Variants in PCDHA10 observed in about 807,000 individuals in gnomAD.
The protein encoded by PCDHA10 is protocadherin alpha-10.
PCDHA10 carries 45 observed loss-of-function variants against 61.2 expected under a neutral mutation model. The ratio of observed to expected loss-of-function variants is 0.74; its 90% CI spans 0.58 to 0.94. The LOEUF (loss-of-function observed/expected upper bound fraction) is 0.94, where lower values mean the gene tolerates loss of function less well. PCDHA10 is among the 40% of genes least tolerant of loss of function. PCDHA10 has a pLI of 0.00. For synonymous variants in PCDHA10, 602 were observed against 548.8 expected (o/e 1.10, Z -1.35); for missense variants, 1,278 against 1,236.2 (o/e 1.03, Z -0.51).
intron 1 of PCDHA10, among the ~76,000 whole-genome samples, chr5:140,959,390 A>G (rs1554224055): frequency 6.6e-6 from 1 of 152,146 alleles, no homozygotes; most frequent in African/African-American, 2.4e-5. Context: ...AAAAGTCACA[A>G]ATTAAGATAA....
Position 141,010,924 on chromosome 5 carries a change from T to G in PCDHA10, c.*987T>G, listed in dbSNP as rs1016736721. 1 of 153,778 alleles carries G rather than the reference T, an allele frequency of 6.5e-6. No homozygotes were observed. Among genetic ancestry groups the G allele is most frequent in the Non-Finnish European group, 1.5e-5 (1 of 68,046 alleles). 9.5% of individuals were successfully genotyped at this position (153,778 alleles called of 1,614,324 possible). A position where few individuals can be genotyped will look rare whatever the true frequency, so the allele number is the denominator to read the frequency against. Reference sequence around the variant, plus strand: ...CCCCTAAACTCTCCTCAAAAGAGAATTCAGTCTACAGCCATTTAAATGATC... The same window carrying G: ...CCCCTAAACTCTCCTCAAAAGAGAAGTCAGTCTACAGCCATTTAAATGATC... On this transcript the variant is annotated 3_prime_UTR_variant, in exon 4 of 4. Transcript: ENST00000307360.
intron 3 of PCDHA10, among the ~76,000 whole-genome samples, chr5:140,996,043 C>T (rs1282990779): frequency 6.6e-6 from 1 of 152,202 alleles, no homozygotes; most frequent in Non-Finnish European, 1.5e-5. Context: ...GCACTTAACA[C>T]AGTGCTTGGC....
chr5:140,921,631 T>C (rs1435281144), intron 1 of PCDHA10, among the ~76,000 whole-genome samples: 2 of 152,206 alleles, frequency 1.3e-5, no homozygotes, highest in Non-Finnish European at 2.9e-5. Flanking sequence ...ATCATCATTA[T>C]GGTAGCTATT....
Position 140,858,211 on chromosome 5 carries a change from C to T in PCDHA10, c.2163C>T (p.Cys721=), listed in dbSNP as rs368039385. The change falls in exon 1 of 4, where the codon TGC becomes TGT. Residue 721 remains cysteine, a synonymous_variant. Transcript: ENST00000307360. ...LTLLLYTALR[C]SAAPTEGACG... is the part of the protein sequence containing the mutation. ...TGCTGCTGTACACTGCACTGAGGTG[C>T]TCGGCGGCGCCCACCGAGGGCGCAT... 10 of 1,594,094 alleles carry T rather than the reference C, an allele frequency of 6.3e-6. 2 individuals are homozygous for T. Among genetic ancestry groups the T allele is most frequent in the Non-Finnish European group, 8.6e-6 (10 of 1,165,544 alleles).
intron 2 of PCDHA10, chr5:140,982,242 AAAG>A (rs2096973421): frequency 2.9e-6 from 2 of 701,584 alleles, no homozygotes; most frequent in African/African-American, 3.6e-5. Flanking sequence ...GAATTGCCAT[AAAG>A]ATAGAACATG....
intron 1 of PCDHA10, among the ~76,000 whole-genome samples, chr5:140,970,841 C>T (rs782138970): frequency 2.0e-5 from 3 of 150,352 alleles, no homozygotes; most frequent in African/African-American, 7.5e-5. Context: ...ATGTAATGCA[C>T]AGGCACAAAA....
chr5:140,875,873 G>C (rs1554168013), intron 1 of PCDHA10: 2 of 1,614,214 alleles, frequency 1.2e-6, no homozygotes, highest in South Asian at 1.1e-5. Context: ...CCGGTGTTCA[G>C]AGAAAGGGAA....
chr5:140,903,014 A>G (rs551984849), intron 1 of PCDHA10, among the ~76,000 whole-genome samples: 1 of 152,322 alleles, frequency 6.6e-6, no homozygotes, highest in African/African-American at 2.4e-5. Context: ...TTGTGCTGCT[A>G]TCAACATGGC....
intron 1 of PCDHA10, among the ~76,000 whole-genome samples, chr5:140,948,492 A>G (rs915795889): frequency 4.0e-5 from 6 of 151,594 alleles, no homozygotes; most frequent in Non-Finnish European, 8.9e-5. Flanking sequence ...AATTTCTTTC[A>G]TAGACTTTCT....
intron 1 of PCDHA10, chr5:140,862,748 C>A: frequency 3.5e-6 from 2 of 577,558 alleles, no homozygotes; most frequent in East Asian, 9.5e-5. Context: ...TGGGTGCACG[C>A]GGAGAGCGGC....
intron 1 of PCDHA10, among the ~76,000 whole-genome samples, chr5:140,933,588 G>A (rs2089253151): frequency 6.6e-6 from 1 of 151,988 alleles, no homozygotes; most frequent in Non-Finnish European, 1.5e-5. Flanking sequence ...TGGGTTTTTA[G>A]GTTGATTTGT....
At chr5:140,887,238 C>T (rs1191260946) in intron 1 of PCDHA10, among the ~76,000 whole-genome samples, 11 of 151,856 alleles carry the variant, frequency 7.2e-5, no homozygotes, top group East Asian at 3.9e-4. Flanking sequence ...CTGAGACTAC[C>T]GGCGCCCGCC....
At chr5:140,989,530 AG>A (rs1249109717) in intron 3 of PCDHA10, among the ~76,000 whole-genome samples, 1 of 152,200 alleles carries the variant, frequency 6.6e-6, no homozygotes, top group Non-Finnish European at 1.5e-5. Context: ...CAGAGGAGGA[AG>A]ATAGTTTGTA....
rs1374151299 is a variant in PCDHA10 at position 141,010,790 on chromosome 5, A to G, written c.*853A>G. The G allele has an allele frequency of 2.0e-5, 3 of 153,822 alleles. No homozygotes were observed. Among genetic ancestry groups the G allele is most frequent in the Admixed American group, 6.5e-5 (1 of 15,286 alleles). The allele number at this position is 153,822 out of a possible 1,614,324, so 9.5% of individuals were successfully genotyped here. Reference sequence around the variant, plus strand: ...CTTTTCCAATACTTATGCAAAAGCAAAAGAAAACCCCGACACCTCACCTTT... The same window carrying G: ...CTTTTCCAATACTTATGCAAAAGCAGAAGAAAACCCCGACACCTCACCTTT... On this transcript the variant is annotated 3_prime_UTR_variant, in exon 4 of 4. Coordinates refer to ENST00000307360, the MANE Select transcript of PCDHA10 (RefSeq NM_018901.4).
intron 1 of PCDHA10, chr5:140,866,007 T>A (rs568957330): frequency 6.6e-6 from 1 of 152,272 alleles, no homozygotes; most frequent in East Asian, 1.9e-4. Context: ...TGTTAAGTGA[T>A]TTTTTTCTTG....
chr5:140,924,915 AT>A (rs1554202358), intron 1 of PCDHA10, among the ~76,000 whole-genome samples: 19 of 127,348 alleles, frequency 1.5e-4, no homozygotes, highest in African/African-American at 5.1e-4. Context: ...ATAAAATAAA[AT>A]AAAATAAAAT....
At chr5:140,862,471 C>G in intron 1 of PCDHA10, 3 of 374,584 alleles carry the variant, frequency 8.0e-6, no homozygotes, top group Non-Finnish European at 1.6e-5. Context: ...GAGAGCAAAT[C>G]TATCCATTGT....
rs782406571 is a variant in PCDHA10 at position 140,876,145 on chromosome 5, T to C, written c.2388+17709T>C. 1.9e-6 allele frequency: 3 copies of C among 1,613,788 alleles called. No homozygotes were observed. The East Asian group carries it at 6.7e-5, about 36-fold the overall frequency. ...TGGCGGTAAACCAGAACTAACAGGG[T>C]CTGTCCAGATTCAAATAACCGTCCT... On this transcript the variant is annotated intron_variant, in intron 1 of 3. Coordinates refer to ENST00000307360, the MANE Select transcript of PCDHA10 (RefSeq NM_018901.4).
At chr5:140,858,594 G>A (rs1554151838) in intron 1 of PCDHA10, 158 bp downstream of exon 1, 5 of 1,317,532 alleles carry the variant, frequency 3.8e-6, no homozygotes, top group Admixed American at 2.6e-5. Context: ...TTTATTCCAG[G>A]AGTTTTAAAA....
Sources: allele counts gnomAD v4.1 joint callset (sites outside exome capture counted in the v4.1 genomes callset), GRCh38; gene constraint gnomAD v4.1.1; transcripts MANE v1.5; gene names NCBI Gene and HGNC (gene_info 2026-07-23, HGNC 2026-07-21).